HCN1: variants seen among roughly 807,000 people sequenced by gnomAD.
HCN1 encodes the protein hyperpolarization activated cyclic nucleotide gated potassium channel 1.
Under a neutral mutation model 78.9 loss-of-function variants are expected in HCN1, and 13 were observed. That is an observed-to-expected ratio of 0.16 (90% CI 0.11 to 0.26). The LOEUF (loss-of-function observed/expected upper bound fraction) is 0.26. HCN1 is among the 10% of genes least tolerant of loss of function. HCN1 has a pLI of 1.00. For missense variants in HCN1, 810 were observed against 1,154.3 expected (o/e 0.70, Z 4.32); for synonymous variants, 552 against 455.5 (o/e 1.21, Z -2.70).
chr5:45,645,118 C>A, intron 2 of HCN1, 67 bp downstream of exon 2: 3 of 1,195,018 alleles, frequency 2.5e-6, no homozygotes, highest in South Asian at 2.6e-5. Flanking sequence ...CACAGTTGTT[C>A]ATTGTAAAAC....
intron 2 of HCN1, among the ~76,000 whole-genome samples, chr5:45,619,956 A>G (rs1253042279): frequency 6.6e-6 from 1 of 152,102 alleles, no homozygotes; most frequent in African/African-American, 2.4e-5. Flanking sequence ...AAATCTGGTA[A>G]ACATCACCTT....
At chr5:45,618,278 C>G (rs929004576) in intron 2 of HCN1, among the ~76,000 whole-genome samples, 1 of 151,738 alleles carries the variant, frequency 6.6e-6, no homozygotes, top group African/African-American at 2.4e-5. Flanking sequence ...GGGATGAATA[C>G]TAAAGAAAGG....
At chr5:45,490,942 G>T (rs1741870030) in intron 2 of HCN1, among the ~76,000 whole-genome samples, 1 of 151,988 alleles carries the variant, frequency 6.6e-6, no homozygotes, top group African/African-American at 2.4e-5. Context: ...CCAGGCAGGA[G>T]CATGTTCAAG....
intron 2 of HCN1, among the ~76,000 whole-genome samples, chr5:45,602,838 T>A (rs1484274071): frequency 6.6e-6 from 1 of 152,108 alleles, no homozygotes; most frequent in African/African-American, 2.4e-5. Context: ...TCTTTTGTGA[T>A]CAGATTTCAC....
In HCN1 at chr5:45,262,464, G is replaced by T. The variant is rs1221455779; in HGVS notation, c.2130C>A (p.Ser710Arg). Residue 710 changes from serine to arginine, a missense_variant, in exon 8 of 8, where the codon AGC becomes AGA. By Grantham distance (110) the Ser-to-Arg change is moderately radical. This residue lies in a region of HCN1 where 398 missense variants were observed against 381.3 expected (regional missense o/e 1.04). Transcript: ENST00000303230. Reference protein sequence around the residue: ...TTAVCSPPVQSPLAARTFHYA... With the variant: ...TTAVCSPPVQRPLAARTFHYA... The stretch of plus-strand genomic sequence containing the variant: ...AGTGGAAAGTTCGAGCGGCCAGAGG[G>T]CTCTGTACAGGAGGGCTGCAGACCG... The T allele has an allele frequency of 6.2e-7, 1 of 1,612,810 alleles. No individual in the cohort carries two copies. The highest frequency in any genetic ancestry group is 8.5e-7 in the Non-Finnish European group (1 of 1,179,854).
intron 5 of HCN1, among the ~76,000 whole-genome samples, chr5:45,325,938 A>T (rs1005467027): frequency 2.0e-5 from 3 of 151,644 alleles, no homozygotes; most frequent in African/African-American, 7.2e-5. Flanking sequence ...AGGGGTAAAA[A>T]ATACTTATTT....
chr5:45,296,339 A>G (rs1745493778), intron 6 of HCN1, among the ~76,000 whole-genome samples: 1 of 151,998 alleles, frequency 6.6e-6, no homozygotes, highest in African/African-American at 2.4e-5. Flanking sequence ...AAAGACAGAT[A>G]GAAAATCCCT....
At chr5:45,297,017 G>A (rs568416097) in intron 6 of HCN1, among the ~76,000 whole-genome samples, 1 of 152,110 alleles carries the variant, frequency 6.6e-6, no homozygotes, top group East Asian at 1.9e-4. Context: ...CACACACACA[G>A]AAATATAGAG....
intron 4 of HCN1, among the ~76,000 whole-genome samples, chr5:45,390,740 T>C (rs1739536612): frequency 6.6e-6 from 1 of 152,066 alleles, no homozygotes; most frequent in Non-Finnish European, 1.5e-5. Flanking sequence ...ATTGGTAAGT[T>C]TCTGTTTTTC....
chr5:45,372,845 G>A (rs557320003), intron 4 of HCN1, among the ~76,000 whole-genome samples: 1 of 138,882 alleles, frequency 7.2e-6, no homozygotes, highest in African/African-American at 2.7e-5. Flanking sequence ...AGAAAAATAT[G>A]TTCGTATTCT....
intron 6 of HCN1, among the ~76,000 whole-genome samples, chr5:45,297,543 T>C (rs1468859857): frequency 1.3e-5 from 2 of 152,078 alleles, no homozygotes; most frequent in East Asian, 3.9e-4. Flanking sequence ...ATTTAAGGAA[T>C]AAATGATATC....
chr5:45,325,228 T>C (rs1439342613), intron 5 of HCN1, among the ~76,000 whole-genome samples: 1 of 151,762 alleles, frequency 6.6e-6, no homozygotes, highest in Admixed American at 6.6e-5. Context: ...ATGGTATTTT[T>C]TCTAAATTAG....
At chr5:45,397,328 T>C (rs1044412513) in intron 3 of HCN1, among the ~76,000 whole-genome samples, 1 of 152,146 alleles carries the variant, frequency 6.6e-6, no homozygotes, top group Non-Finnish European at 1.5e-5. Context: ...CTGAATCTTG[T>C]TGGCTTTTTA....
intron 1 of HCN1, among the ~76,000 whole-genome samples, chr5:45,683,868 G>A (rs969557579): frequency 1.3e-5 from 2 of 151,694 alleles, no homozygotes; most frequent in African/African-American, 2.4e-5. Flanking sequence ...ACGGGGTCTC[G>A]CCATGTTGCC....
intron 6 of HCN1, among the ~76,000 whole-genome samples, 198 bp downstream of exon 6, chr5:45,303,401 C>A (rs1337384353): frequency 6.6e-6 from 1 of 152,060 alleles, no homozygotes; most frequent in Admixed American, 6.6e-5. Context: ...AATATCTCAA[C>A]CAATGTAGTA....
At chr5:45,388,194 C>A (rs1048365438) in intron 4 of HCN1, among the ~76,000 whole-genome samples, 1 of 152,116 alleles carries the variant, frequency 6.6e-6, no homozygotes, top group African/African-American at 2.4e-5. Context: ...AGCTCTTCAT[C>A]TTTGTTCTTG....
At chr5:45,549,902 C>T (rs1270721865) in intron 2 of HCN1, among the ~76,000 whole-genome samples, 16 of 152,222 alleles carry the variant, frequency 1.1e-4, no homozygotes, top group Admixed American at 3.9e-4. Flanking sequence ...AAAAAATGCT[C>T]ATCATCACTG....
intron 3 of HCN1, among the ~76,000 whole-genome samples, chr5:45,453,157 T>C (rs1169685272): frequency 6.6e-6 from 1 of 152,078 alleles, no homozygotes; most frequent in Non-Finnish European, 1.5e-5. Flanking sequence ...TATAAGTCTC[T>C]TTTAAACAGA....
At chr5:45,276,532 A>G (rs1745062058) in intron 6 of HCN1, among the ~76,000 whole-genome samples, 1 of 152,128 alleles carries the variant, frequency 6.6e-6, no homozygotes, top group South Asian at 2.1e-4. Flanking sequence ...AAGAAGTTGG[A>G]AAAAGTAAAC....
Sources: allele counts gnomAD v4.1 joint callset (sites outside exome capture counted in the v4.1 genomes callset), GRCh38; gene constraint gnomAD v4.1.1; regional missense constraint gnomAD v4.1.1; transcripts MANE v1.5; gene names NCBI Gene and HGNC (gene_info 2026-07-23, HGNC 2026-07-21).